Variants in FAT4 observed in about 807,000 individuals in gnomAD.
FAT4 encodes the protein protocadherin Fat 4.
Under a neutral mutation model 303.9 loss-of-function variants are expected in FAT4, and 84 were observed. That is an observed-to-expected ratio of 0.28 (90% CI 0.23 to 0.33). The LOEUF (loss-of-function observed/expected upper bound fraction) is 0.33. FAT4 is among the 10% of genes least tolerant of loss of function. FAT4 has a pLI of 1.00. For missense variants in FAT4, 6,005 were observed against 6,146.8 expected (o/e 0.98, Z 0.77); for synonymous variants, 2,307 against 2,298.8 (o/e 1.00, Z -0.10).
At chr4:125,426,202 T>C (rs1370583765) in intron 7 of FAT4, among the ~76,000 whole-genome samples, 2 of 152,104 alleles carry the variant, frequency 1.3e-5, no homozygotes, top group Non-Finnish European at 2.9e-5. Context: ...TAATTGTTTT[T>C]AAATATTCCA....
chr4:125,468,764 T>A lies in FAT4; in HGVS notation c.12158T>A (p.Met4053Lys). The A allele has an allele frequency of 6.2e-7, 1 of 1,614,000 alleles. No homozygotes were observed. ...LGSGTYKLTT[M>K]KKVSDGHFHT... ...AGTGGTACATATAAGCTCACCACCATGAAGAAGGTGTCAGATGGACATTTT... is the reference window on the plus strand; with the variant it reads ...AGTGGTACATATAAGCTCACCACCAAGAAGAAGGTGTCAGATGGACATTTT... The change falls in exon 12 of 18, where the codon ATG becomes AAG. Residue 4053 changes from methionine to lysine, a missense_variant. Coordinates refer to ENST00000394329, the MANE Select transcript of FAT4 (RefSeq NM_001291303.3).
chr4:125,422,102 T>G (rs1260213115), intron 7 of FAT4, among the ~76,000 whole-genome samples: 1 of 152,180 alleles, frequency 6.6e-6, no homozygotes, highest in Non-Finnish European at 1.5e-5. Context: ...GAAGCCAAAT[T>G]AAGTGGAATC....
In FAT4 at chr4:125,468,847, T is replaced by C. The variant is rs1256147135; in HGVS notation, c.12213+28T>C. 6 of 1,584,246 alleles carry C rather than the reference T, an allele frequency of 3.8e-6. No homozygotes were observed. In the African/African-American group the frequency reaches 5.4e-5, roughly 14 times the overall value. On this transcript the variant is annotated intron_variant, in intron 12 of 17. Transcript: ENST00000394329. ...AAGATATTTCATTTTATTGTTGTTG[T>C]ATATCCAACTGGATCTTCAAATAAA...
chr4:125,341,603 C>A (rs987401952), intron 2 of FAT4, among the ~76,000 whole-genome samples: 1 of 151,946 alleles, frequency 6.6e-6, no homozygotes, highest in African/African-American at 2.4e-5. Flanking sequence ...TGTGCAATGT[C>A]TTTTAATTCA....
rs768483303 is a variant in FAT4, at chr4:125,487,544, A to G, written c.13022A>G (p.Asp4341Gly). The G allele has an allele frequency of 5.0e-6, 8 of 1,613,904 alleles. No homozygotes were observed. The African/African-American group carries it at 8.0e-5, about 16-fold the overall frequency. The change falls in exon 17 of 18, where the codon GAT (aspartate) becomes GGT (glycine). Residue 4341 changes from aspartate (D) to glycine (G), a missense_variant. Physicochemically the swap from Asp to Gly is moderately conservative, Grantham distance 94. Coordinates refer to ENST00000394329, the MANE Select transcript of FAT4 (RefSeq NM_001291303.3). The part of the protein sequence containing the change: ...IHPTQDFGGL[D>G]VLTISLGGIP... ...CCTACTCAGGACTTCGGTGGCCTTG[A>G]TGTGCTTACTATATCACTTGGAGGA...
intron 2 of FAT4, among the ~76,000 whole-genome samples, chr4:125,340,863 C>T (rs1233609166): frequency 6.6e-6 from 1 of 152,080 alleles, no homozygotes; most frequent in South Asian, 2.1e-4. Flanking sequence ...GTGGTTGCTA[C>T]TCAAACACAT....
chr4:125,349,190 A>C (rs1042659925), intron 2 of FAT4, among the ~76,000 whole-genome samples: 2 of 151,836 alleles, frequency 1.3e-5, no homozygotes, highest in South Asian at 4.1e-4. Flanking sequence ...ATTATTACTG[A>C]AACTGCATTT....
At chr4:125,460,169 T>C (rs1196062612) in intron 10 of FAT4, among the ~76,000 whole-genome samples, 1 of 152,084 alleles carries the variant, frequency 6.6e-6, no homozygotes, top group Non-Finnish European at 1.5e-5. Context: ...AATGGAGAAC[T>C]CAATTTTTAA....
rs779282656 is a variant in FAT4, at chr4:125,449,079, T to G, written c.8069T>G (p.Leu2690Arg). The part of the protein sequence containing the change: ...ILENLSPRKI[L>R]TVSAMDKDSG... Reference sequence around the variant, plus strand: ...GAAAACCTTTCCCCTCGAAAAATACTTACTGTTTCGGCAATGGACAAGGAC... The same window carrying G: ...GAAAACCTTTCCCCTCGAAAAATACGTACTGTTTCGGCAATGGACAAGGAC... The change falls in exon 10 of 18, where the codon CTT becomes CGT. Residue 2690 changes from leucine (L) to arginine (R), a missense_variant. Coordinates refer to ENST00000394329, the MANE Select transcript of FAT4 (RefSeq NM_001291303.3). 6.2e-7 allele frequency: 1 copy of G among 1,613,950 alleles called. No homozygotes were observed.
At chr4:125,364,063 A>G (rs981050654) in intron 2 of FAT4, among the ~76,000 whole-genome samples, 1 of 152,000 alleles carries the variant, frequency 6.6e-6, no homozygotes, top group African/African-American at 2.4e-5. Context: ...TTGTTGATGG[A>G]CTGATGGAGG....
At position 125,316,432 on chromosome 4, in the gene FAT4, G is replaced by T; in HGVS notation, c.21G>T (p.Arg7Ser). 6.2e-7 allele frequency: 1 copy of T among 1,612,360 alleles called. No individual in the cohort carries two copies. Among genetic ancestry groups the T allele is most frequent in the Non-Finnish European group, 8.5e-7 (1 of 1,179,054 alleles). ...GGACCATGGACTTAGCACCAGACAG[G>T]GCTACTGGCCGCCCGTGGCTCCCGT... MDLAPD[R>S]ATGRPWLPLH... Residue 7 changes from arginine to serine, a missense_variant, in exon 2 of 18, where the codon AGG (arginine) becomes AGT (serine). Physicochemically the swap from Arg to Ser is moderately radical, Grantham distance 110 (BLOSUM62 -1). Coordinates refer to ENST00000394329, the MANE Select transcript of FAT4 (RefSeq NM_001291303.3). The surrounding 1 kb of genome is among the most constrained non-coding windows in gnomAD (Gnocchi z 5.7).
intron 15 of FAT4, 23 bp downstream of exon 15, chr4:125,479,888 C>T: frequency 6.7e-7 from 1 of 1,488,024 alleles, no homozygotes; most frequent in South Asian, 1.5e-5. Flanking sequence ...TTCCGTCTTC[C>T]CCTGGAAATT....
chr4:125,491,610 T>G lies in FAT4; in HGVS notation c.14794T>G (p.Trp4932Gly), dbSNP rs764164348. ...KLGQQAGTFN[W>G]DNLLNWGPGF... ...AGGGCAGCAAGCAGGGACTTTCAAC[T>G]GGGACAACCTTTTGAACTGGGGCCC... Residue 4932 changes from tryptophan (W) to glycine (G), a missense_variant, in exon 18 of 18, where the codon TGG (tryptophan) becomes GGG (glycine). Transcript: ENST00000394329. The G allele has an allele frequency of 1.1e-5, 17 of 1,614,048 alleles. No homozygotes were observed. The East Asian group carries it at 2.0e-4, about 19-fold the overall frequency.
At chr4:125,331,050 C>G (rs1385112523) in intron 2 of FAT4, among the ~76,000 whole-genome samples, 2 of 152,284 alleles carry the variant, frequency 1.3e-5, no homozygotes, top group East Asian at 3.9e-4. Context: ...CTGAGAGTCA[C>G]CTTGCAAAGT....
chr4:125,478,174 A>G (rs1013218695), intron 14 of FAT4, among the ~76,000 whole-genome samples: 1 of 152,206 alleles, frequency 6.6e-6, no homozygotes, highest in Non-Finnish European at 1.5e-5. Context: ...AGGCAAAGCT[A>G]GGAATACTTT....
intron 2 of FAT4, among the ~76,000 whole-genome samples, chr4:125,343,711 G>T (rs1731887675): frequency 6.6e-6 from 1 of 152,022 alleles, no homozygotes; most frequent in Admixed American, 6.6e-5. Flanking sequence ...CAGAATAAAA[G>T]AAATACAGTA....
chr4:125,454,593 G>A (rs1726213193), intron 10 of FAT4, among the ~76,000 whole-genome samples: 1 of 152,118 alleles, frequency 6.6e-6, no homozygotes, highest in African/African-American at 2.4e-5. Flanking sequence ...CAGGACTTTG[G>A]GAGGCTGAGG....
In FAT4 at chr4:125,490,102, C is replaced by T. The variant is rs866550480; in HGVS notation, c.13286C>T (p.Pro4429Leu). ...NQWYAYRCVP[P>L]GDCASHPCQN... ...TGGTATGCCTACAGGTGTGTCCCTCCTGGGGACTGTGCCTCCCACCCGTGC... is the reference window on the plus strand; with the variant it reads ...TGGTATGCCTACAGGTGTGTCCCTCTTGGGGACTGTGCCTCCCACCCGTGC... The change falls in exon 18 of 18, where the codon CCT becomes CTT. Residue 4429 changes from proline to leucine, a missense_variant. Transcript: ENST00000394329. 6.2e-7 allele frequency: 1 copy of T among 1,614,052 alleles called. No homozygotes were observed. Among genetic ancestry groups the T allele is most frequent in the South Asian group, 1.1e-5 (1 of 91,076 alleles).
intron 2 of FAT4, chr4:125,394,114 GC>G: frequency 1.6e-6 from 1 of 618,750 alleles, no homozygotes; most frequent in Non-Finnish European, 3.0e-6. Context: ...CATTTGGTAG[GC>G]ATGCAGAAAA....
Sources: allele counts gnomAD v4.1 joint callset (sites outside exome capture counted in the v4.1 genomes callset), GRCh38; gene constraint gnomAD v4.1.1; non-coding constraint Gnocchi (gnomAD v3.1); transcripts MANE v1.5; gene names NCBI Gene and HGNC (gene_info 2026-07-23, HGNC 2026-07-21).